The following WDFY4 variants were observed in gnomAD, a reference collection of about 807,000 sequenced individuals.
WDFY4 encodes WDFY family member 4, also known as WD repeat- and FYVE domain-containing protein 4.
WDFY4 carries 169 observed loss-of-function variants against 351.9 expected under a neutral mutation model. The ratio of observed to expected loss-of-function variants is 0.48; its 90% CI spans 0.42 to 0.55. WDFY4 has a LOEUF of 0.55. WDFY4 is among the 20% of genes least tolerant of loss of function. The probability of loss-of-function intolerance (pLI) is 0.00; values close to 1 mark genes in which losing one functional copy is unlikely to be tolerated. For synonymous variants in WDFY4, 1,622 were observed against 1,574.6 expected, an observed-to-expected ratio of 1.03 and a Z score of -0.71; for missense variants, 3,803 against 3,935.6, an observed-to-expected ratio of 0.97 and a Z score of 0.90.
chr10:48,830,722 A>C lies in WDFY4; in HGVS notation c.6363A>C (p.Thr2121=). ...LSDVQHNIQK[T]VQTLWQQLVA... Reference sequence around the variant, plus strand: ...TAGTCCAACACAACATCCAGAAGACAGTGCAGACTCTCTGGCAGCAGCTGG... The same window carrying C: ...TAGTCCAACACAACATCCAGAAGACCGTGCAGACTCTCTGGCAGCAGCTGG... Residue 2121 remains threonine, a synonymous_variant, in exon 38 of 62, where the codon ACA becomes ACC. Transcript: ENST00000325239. 1.9e-6 allele frequency: 3 copies of C among 1,551,642 alleles called. No individual in the cohort carries two copies. Among genetic ancestry groups the C allele is most frequent in the Non-Finnish European group, 2.6e-6 (3 of 1,146,976 alleles).
At chr10:48,696,973 T>A (rs981940338) in intron 1 of WDFY4, among the ~76,000 whole-genome samples, 4 of 152,172 alleles carry the variant, frequency 2.6e-5, no homozygotes, top group Non-Finnish European at 5.9e-5. Context: ...GGAGCTGGGA[T>A]TTGAATCTGA....
At position 48,731,545 on chromosome 10, in the gene WDFY4, AG is replaced by A; in HGVS notation, c.1566del (p.Ile523SerfsTer2). ...LLLAQLRKQA[K>X]IMRKSGNKVS... Reference sequence around the variant, plus strand: ...CTGGCACAGCTTCGGAAGCAAGCCAAGATCATGAGGAAGTCAGGTGCCACTG... The same window carrying A: ...CTGGCACAGCTTCGGAAGCAAGCCAAATCATGAGGAAGTCAGGTGCCACTG... On this transcript the variant is annotated frameshift_variant, in exon 9 of 62. Coordinates refer to ENST00000325239, the MANE Select transcript of WDFY4 (RefSeq NM_001394531.1). LOFTEE classifies it high-confidence loss of function. 6.4e-7 allele frequency: 1 copy of A among 1,550,946 alleles called. No homozygotes were observed. Among genetic ancestry groups the A allele is most frequent in the East Asian group, 2.4e-5 (1 of 40,918 alleles).
chr10:48,774,406 C>T, intron 13 of WDFY4, 52 bp from the exon 14 acceptor site: 1 of 1,539,214 alleles, frequency 6.5e-7, no homozygotes. Flanking sequence ...TAAAAGCTGT[C>T]CACAAGGTGT....
intron 5 of WDFY4, among the ~76,000 whole-genome samples, chr10:48,723,806 C>T (rs1429747243): frequency 1.3e-5 from 2 of 152,120 alleles, no homozygotes; most frequent in Non-Finnish European, 2.9e-5. Context: ...GCCATGGCCT[C>T]ACATGGGTCA....
rs559788444 is a variant in WDFY4 at position 48,803,399 on chromosome 10, G to A, written c.4484+40G>A. ...GGCAGCCTGGGGGTTAGAACTGAAGGCTGAATGTCCAGAACAGAGACAGGG... is the reference window on the plus strand; with the variant it reads ...GGCAGCCTGGGGGTTAGAACTGAAGACTGAATGTCCAGAACAGAGACAGGG... On this transcript the variant is annotated intron_variant, in intron 25 of 61. Coordinates refer to ENST00000325239, the MANE Select transcript of WDFY4 (RefSeq NM_001394531.1). 2.5e-5 allele frequency: 39 copies of A among 1,544,010 alleles called. 1 individual carries two copies. In the East Asian group the frequency reaches 6.6e-4, roughly 26 times the overall value.
chr10:48,721,398 G>T (rs778905798), intron 4 of WDFY4, 31 bp downstream of exon 4: 2 of 1,545,066 alleles, frequency 1.3e-6, no homozygotes, highest in Non-Finnish European at 1.8e-6. Flanking sequence ...CTCTGCCCTG[G>T]GCACTGCTCA....
At position 48,735,971 on chromosome 10, in the gene WDFY4, G is replaced by T; in HGVS notation, c.1779G>T (p.Gln593His). Residue 593 changes from glutamine to histidine, a missense_variant, in exon 11 of 62, where the codon CAG (glutamine) becomes CAT (histidine). By Grantham distance (24) the Gln-to-His change is conservative. Coordinates refer to ENST00000325239, the MANE Select transcript of WDFY4 (RefSeq NM_001394531.1). ...AGGCCTCGCTCAGCATCTTGGAGCAGCTCTCAGCCATCAACGCCGAGGAGT... is the reference window on the plus strand; with the variant it reads ...AGGCCTCGCTCAGCATCTTGGAGCATCTCTCAGCCATCAACGCCGAGGAGT... ...YREASLSILE[Q>H]LSAINAEEYM... 6.4e-7 allele frequency: 1 copy of T among 1,551,900 alleles called. No homozygotes were observed.
At chr10:48,943,266 G>C in intron 48 of WDFY4, 64 bp from the exon 49 acceptor site, 1 of 1,533,206 alleles carries the variant, frequency 6.5e-7, no homozygotes, top group South Asian at 1.2e-5. Context: ...CTGAGGGTGG[G>C]ACCCATGGCT....
At chr10:48,919,658 G>A (rs1370044672) in intron 47 of WDFY4, among the ~76,000 whole-genome samples, 1 of 152,156 alleles carries the variant, frequency 6.6e-6, no homozygotes, top group Non-Finnish European at 1.5e-5. Context: ...GGTAGAAAGA[G>A]AGCAAAACAA....
intron 1 of WDFY4, among the ~76,000 whole-genome samples, chr10:48,693,404 C>T (rs1236358753): frequency 2.6e-5 from 4 of 152,202 alleles, no homozygotes; most frequent in African/African-American, 9.6e-5. Flanking sequence ...GGACCTGTGT[C>T]ACCCAAGCAA....
Position 48,974,527 on chromosome 10 carries a change from A to ACAAAACAAC in WDFY4, c.8929-335_8929-334insCAAAACAAC, listed in dbSNP as rs1554824264. Among the ~76,000 whole-genome samples, 11 of 23,198 alleles carry ACAAAACAAC rather than the reference A, an allele frequency of 4.7e-4. 2 individuals are homozygous for ACAAAACAAC. The highest frequency in any genetic ancestry group is 1.9e-3 in the Non-Finnish European group (10 of 5,348). 15.2% of individuals were successfully genotyped at this position (23,198 alleles called of 152,430 possible). A position where few individuals can be genotyped will look rare whatever the true frequency, so the allele number is the denominator to read the frequency against. ...CAAAAAAAAAAAAAAAAAAAAAAAA[A>ACAAAACAAC]AACAACTCATGACATGAACTGCTCC... On this transcript the variant is annotated intron_variant, in intron 57 of 61. Coordinates refer to ENST00000325239, the MANE Select transcript of WDFY4 (RefSeq NM_001394531.1).
chr10:48,740,588 C>T (rs1269248761), intron 11 of WDFY4, among the ~76,000 whole-genome samples: 1 of 152,254 alleles, frequency 6.6e-6, no homozygotes, highest in African/African-American at 2.4e-5. Flanking sequence ...CAACAATCCA[C>T]ATGCTTTGCT....
chr10:48,753,456 A>G (rs551121668), intron 12 of WDFY4, among the ~76,000 whole-genome samples: 2 of 152,320 alleles, frequency 1.3e-5, no homozygotes, highest in South Asian at 4.1e-4. Flanking sequence ...CCAAGGTCAT[A>G]AAGATTTACC....
At chr10:48,701,692 G>A (rs2063484884) in intron 1 of WDFY4, among the ~76,000 whole-genome samples, 1 of 152,204 alleles carries the variant, frequency 6.6e-6, no homozygotes, top group South Asian at 2.1e-4. Flanking sequence ...GGTGGAGCGT[G>A]TGGACTTTGG....
chr10:48,871,524 A>G (rs2127587), intron 40 of WDFY4, among the ~76,000 whole-genome samples: 3,797 of 149,318 alleles, frequency 0.025, 166 homozygotes, highest in African/African-American at 0.088. Flanking sequence ...GCCCAGGCTG[A>G]AGTACAGTCA....
chr10:48,710,822 C>G (rs1031989467), intron 2 of WDFY4, among the ~76,000 whole-genome samples: 1 of 152,246 alleles, frequency 6.6e-6, no homozygotes, highest in African/African-American at 2.4e-5. Context: ...GGTCTGCACT[C>G]TAGCTAGTGG....
At chr10:48,923,520 A>ATATATATATAT (rs1839305652) in intron 47 of WDFY4, among the ~76,000 whole-genome samples, 1 of 99,734 alleles carries the variant, frequency 1.0e-5, no homozygotes, top group African/African-American at 2.9e-5. Flanking sequence ...ATATGTCCCA[A>ATATATATATAT]ATACCGCATA....
intron 8 of WDFY4, 147 bp from the exon 9 acceptor site, chr10:48,730,963 G>A: frequency 1.1e-6 from 1 of 922,278 alleles, no homozygotes; most frequent in Non-Finnish European, 1.6e-6. Context: ...CAGGTGGCTG[G>A]CTTTTCTGGA....
intron 39 of WDFY4, among the ~76,000 whole-genome samples, chr10:48,866,571 G>A (rs1385626871): frequency 6.6e-6 from 1 of 152,158 alleles, no homozygotes; most frequent in East Asian, 1.9e-4. Context: ...AAGCATAAAT[G>A]TCGGGCACAC....
Sources: gnomAD v4.1 joint callset for allele counts (sites outside exome capture counted in the v4.1 genomes callset) on GRCh38, gnomAD v4.1.1 for gene constraint, MANE v1.5 for transcripts, NCBI Gene and HGNC (gene_info 2026-07-23, HGNC 2026-07-21) for gene names.